The following ZNF496 variants were observed in gnomAD, a reference collection of about 807,000 sequenced individuals.
ZNF496 encodes the protein zinc finger protein 496, also known as NSD1 (nuclear receptor binding SET-domain containing 1)-interacting zinc finger protein 1.
ZNF496 carries 11 observed loss-of-function variants against 58.9 expected under a neutral mutation model. The ratio of observed to expected loss-of-function variants is 0.19; its 90% CI spans 0.12 to 0.31. The LOEUF is 0.31. Among genes scored for constraint, ZNF496 ranks in the 10% least tolerant of loss-of-function variants. The pLI, the probability that ZNF496 is intolerant of heterozygous loss-of-function variation, is 1.00. For missense variants in ZNF496, 660 were observed against 783.0 expected (o/e 0.84, Z 1.88); for synonymous variants, 338 against 318.2 (o/e 1.06, Z -0.66).
At position 247,329,556 on chromosome 1, in the gene ZNF496, C is replaced by T. The variant is rs758982919; in HGVS notation, c.23G>A (p.Arg8Gln). Reference sequence around the variant, plus strand: ...CTCACTTTCCTTCGGAGCCAAGACTCGGGGGCACAGGGCTGTGGGCATGAT... The same window carrying T: ...CTCACTTTCCTTCGGAGCCAAGACTTGGGGGCACAGGGCTGTGGGCATGAT... MPTALCP[R>Q]VLAPKESEEP... is the part of the protein sequence containing the mutation. Residue 8 changes from arginine to glutamine, a missense_variant, in exon 4 of 10, where the codon CGA (arginine) becomes CAA (glutamine). Arg to Gln is a conservative substitution (Grantham distance 43, BLOSUM62 1). Transcript: ENST00000682384. This position sits in a 1 kb window ranked among gnomAD's most constrained non-coding sequence, Gnocchi z 5.5. 17 of 1,566,268 alleles carry T rather than the reference C, an allele frequency of 1.1e-5. 1 individual carries two copies. Among genetic ancestry groups the T allele is most frequent in the African/African-American group, 6.9e-5 (5 of 72,238 alleles).
chr1:247,331,182 G>C (rs1448569705), intron 2 of ZNF496, among the ~76,000 whole-genome samples: 1 of 152,260 alleles, frequency 6.6e-6, no homozygotes, highest in Non-Finnish European at 1.5e-5. Context: ...GTCCGTCTTT[G>C]TCACGGCGGC....
chr1:247,316,139 T>TGTGG (rs1312093853), intron 6 of ZNF496, among the ~76,000 whole-genome samples: 1 of 83,404 alleles, frequency 1.2e-5, no homozygotes, highest in African/African-American at 5.5e-5. Context: ...GAGAGGGGTG[T>TGTGG]GTGTGTGTGT....
chr1:247,321,379 A>T (rs1445013713), intron 6 of ZNF496, among the ~76,000 whole-genome samples: 1 of 152,178 alleles, frequency 6.6e-6, no homozygotes, highest in Non-Finnish European at 1.5e-5. Context: ...GTAAATGAGG[A>T]GTTATTATTT....
At chr1:247,323,119 G>T (rs6692645) in intron 6 of ZNF496, 35 bp downstream of exon 6, 15 of 1,579,126 alleles carry the variant, frequency 9.5e-6, no homozygotes, top group Middle Eastern at 1.8e-4. Flanking sequence ...GAGGCAAACA[G>T]GGGATTTTCA....
At chr1:247,307,644 C>T in intron 9 of ZNF496, 1 of 985,378 alleles carries the variant, frequency 1.0e-6, no homozygotes, top group Non-Finnish European at 1.2e-6. Flanking sequence ...CCCCTTTGTC[C>T]ATGCATGAAA....
intron 6 of ZNF496, among the ~76,000 whole-genome samples, chr1:247,315,896 G>C (rs1659751392): frequency 6.6e-6 from 1 of 152,180 alleles, no homozygotes; most frequent in Middle Eastern, 3.2e-3. Flanking sequence ...CTCAGAGGCT[G>C]TATCTGAATG....
At chr1:247,322,484 T>G (rs1232273090) in intron 6 of ZNF496, among the ~76,000 whole-genome samples, 1 of 152,104 alleles carries the variant, frequency 6.6e-6, no homozygotes, top group Non-Finnish European at 1.5e-5. Flanking sequence ...TAACTAAATC[T>G]TGTGCCAGCC....
chr1:247,308,085 T>G lies in ZNF496; in HGVS notation c.1006+390A>C, dbSNP rs1659472416. 1.1e-6 allele frequency: 1 copy of G among 924,228 alleles called. No homozygotes were observed. The highest frequency in any genetic ancestry group is 1.3e-6 in the Non-Finnish European group (1 of 774,104). The allele number at this position is 924,228 out of a possible 1,614,324, so 57.3% of individuals were successfully genotyped here. On this transcript the variant is annotated intron_variant, in intron 9 of 9. Transcript: ENST00000682384. The surrounding 1 kb of genome is among the most constrained non-coding windows in gnomAD (Gnocchi z 4.5). ...ACAGCACTACAGCAGCACCCTGCTTTGACACACCCTCCCCGGCCCCTGGGA... is the reference window on the plus strand; with the variant it reads ...ACAGCACTACAGCAGCACCCTGCTTGGACACACCCTCCCCGGCCCCTGGGA...
Position 247,308,768 on chromosome 1 carries a change from A to G in ZNF496, c.893-180T>C. ...CTGAGTGAATGAACCTGAAGGCAAA[A>G]TGGGCCAACTCCACAAACATGAGCT... is the stretch of plus-strand genomic sequence containing the variant. On this transcript the variant is annotated intron_variant, in intron 8 of 9. Transcript: ENST00000682384. This position sits in a 1 kb window ranked among gnomAD's most constrained non-coding sequence, Gnocchi z 4.5. 1.7e-6 allele frequency: 1 copy of G among 571,886 alleles called. No homozygotes were observed. The highest frequency in any genetic ancestry group is 3.1e-6 in the Non-Finnish European group (1 of 319,848). The allele number at this position is 571,886 out of a possible 1,614,324, so 35.4% of individuals were successfully genotyped here. A position where few individuals can be genotyped will look rare whatever the true frequency, so the allele number is the denominator to read the frequency against.
chr1:247,322,661 G>C (rs763871804), intron 6 of ZNF496: 1 of 1,250,846 alleles, frequency 8.0e-7, no homozygotes, highest in African/African-American at 1.5e-5. Context: ...ACAAAAACAC[G>C]AACGAGAACA....
intron 9 of ZNF496, chr1:247,307,522 A>G: frequency 1.0e-6 from 1 of 985,420 alleles, no homozygotes; most frequent in Non-Finnish European, 1.2e-6. Flanking sequence ...GTGGACCCCA[A>G]ATGAATGCAT....
chr1:247,310,099 C>A, intron 7 of ZNF496: 1 of 1,430,264 alleles, frequency 7.0e-7, no homozygotes, highest in Non-Finnish European at 9.1e-7. Context: ...CTATTTGGTT[C>A]TGATAAGCCT....
chr1:247,323,731 G>A (rs1258111788), intron 5 of ZNF496, among the ~76,000 whole-genome samples: 1 of 150,944 alleles, frequency 6.6e-6, no homozygotes, highest in Admixed American at 6.6e-5. Flanking sequence ...CAGACCAGCA[G>A]GGACAACACA....
intron 9 of ZNF496, chr1:247,307,123 T>G: frequency 1.0e-6 from 1 of 985,458 alleles, no homozygotes; most frequent in Non-Finnish European, 1.2e-6. Flanking sequence ...ATTATTTGAT[T>G]GGCACAAACT....
chr1:247,322,795 T>C, intron 6 of ZNF496: 1 of 1,301,088 alleles, frequency 7.7e-7, no homozygotes, highest in Non-Finnish European at 1.0e-6. Context: ...ATTATTAAAT[T>C]GAAAAATTCT....
rs1005588551 is a variant in ZNF496, at chr1:247,319,048, C to G, written c.651+4106G>C. 7.9e-5 allele frequency among the ~76,000 whole-genome samples: 12 copies of G among 152,230 alleles called. No homozygotes were observed. In the East Asian group the frequency reaches 2.3e-3, roughly 29 times the overall value. ...AGGCTGGAGTGCAGTGATGCAATCA[C>G]AGCTTACTATGCAGCCTCAACCCCC... On this transcript the variant is annotated intron_variant, in intron 6 of 9. Transcript: ENST00000682384.
At chr1:247,327,823 CCAGA>C (rs1398479943) in intron 5 of ZNF496, among the ~76,000 whole-genome samples, 1 of 87,242 alleles carries the variant, frequency 1.1e-5, no homozygotes, top group Admixed American at 1.1e-4. Context: ...CCCTGGCCCC[CCAGA>C]CACTCTCTTT....
At chr1:247,304,265 C>T (rs1194229793) in intron 9 of ZNF496, among the ~76,000 whole-genome samples, 2 of 152,086 alleles carry the variant, frequency 1.3e-5, no homozygotes, top group Non-Finnish European at 2.9e-5. Context: ...TCATTTCCTT[C>T]TGAGTTCCAA....
intron 9 of ZNF496, among the ~76,000 whole-genome samples, chr1:247,302,806 T>C (rs1254089105): frequency 2.0e-5 from 3 of 152,174 alleles, no homozygotes; most frequent in Non-Finnish European, 4.4e-5. Context: ...GTCATGTGTA[T>C]GATGTACTTT....
Sources: gnomAD v4.1 joint callset for allele counts (sites outside exome capture counted in the v4.1 genomes callset) on GRCh38, gnomAD v4.1.1 for gene constraint, Gnocchi (gnomAD v3.1) non-coding constraint, MANE v1.5 for transcripts, NCBI Gene and HGNC (gene_info 2026-07-23, HGNC 2026-07-21) for gene names.